Variants in FBN2 observed in about 807,000 individuals in gnomAD.
FBN2 encodes fibrillin-2.
In FBN2, 105 loss-of-function variants were observed where a neutral mutation model predicts 355.6. The ratio of observed to expected loss-of-function variants is 0.30; its 90% CI spans 0.25 to 0.35. The LOEUF (loss-of-function observed/expected upper bound fraction) is 0.35, where lower values mean the gene tolerates loss of function less well. Ranked by LOEUF, FBN2 falls within the 10% of genes least tolerant of loss-of-function variation. The pLI is 1.00. For missense variants in FBN2, 3,280 were observed against 3,758.7 expected, an observed-to-expected ratio of 0.87 and a Z score of 3.33; for synonymous variants, 1,350 against 1,301.2, an observed-to-expected ratio of 1.04 and a Z score of -0.81.
At chr5:128,423,284 A>C (rs941365866) in intron 7 of FBN2, among the ~76,000 whole-genome samples, 9 of 152,190 alleles carry the variant, frequency 5.9e-5, no homozygotes, top group Admixed American at 2.0e-4. Context: ...GACATACCTG[A>C]GACTGGGTAA....
chr5:128,328,097 T>C (rs942735521), intron 34 of FBN2: 3 of 165,968 alleles, frequency 1.8e-5, no homozygotes, highest in Non-Finnish European at 2.6e-5. Context: ...GTGAATTGAG[T>C]TTCTAATTTA....
rs777941578 is a variant in FBN2 at position 128,303,085 on chromosome 5, A to G, written c.5805T>C (p.Val1935=). The G allele has an allele frequency of 3.1e-6, 5 of 1,590,446 alleles. No homozygotes were observed. In the African/African-American group the frequency reaches 6.7e-5, roughly 21 times the overall value. ...ASQDQTMCMD[V]DECERHPCGN... is the part of the protein sequence containing the mutation. Reference sequence around the variant, plus strand: ...CACATGGATGCCGCTCGCACTCATCAACATCTATAAAGAAATATAGGCTCA... The same window carrying G: ...CACATGGATGCCGCTCGCACTCATCGACATCTATAAAGAAATATAGGCTCA... Residue 1935 remains valine, a synonymous_variant, in exon 46 of 65, where the codon GTT becomes GTC. Coordinates refer to ENST00000262464, the MANE Select transcript of FBN2 (RefSeq NM_001999.4).
At chr5:128,530,357 C>A (rs1004218188) in intron 3 of FBN2, among the ~76,000 whole-genome samples, 1 of 152,176 alleles carries the variant, frequency 6.6e-6, no homozygotes, top group African/African-American at 2.4e-5. Context: ...TGAGACTATA[C>A]ACTTAGGCAT....
rs991872001 is a variant in FBN2 at position 128,311,804 on chromosome 5, T to C, written c.4948+81A>G. 18 of 1,004,082 alleles carry C rather than the reference T, an allele frequency of 1.8e-5. No individual in the cohort carries two copies. The South Asian group carries it at 2.2e-4, about 12-fold the overall frequency. 62.2% of individuals were successfully genotyped at this position (1,004,082 alleles called of 1,614,324 possible). A position where few individuals can be genotyped will look rare whatever the true frequency, so the allele number is the denominator to read the frequency against. The stretch of plus-strand genomic sequence containing the variant: ...CTAAATTATCTTGTCGGGGCTGCTC[T>C]GCCCTAGGTTTTCTGCCAGCTTTTC... On this transcript the variant is annotated intron_variant, in intron 38 of 64. Transcript: ENST00000262464.
intron 34 of FBN2, among the ~76,000 whole-genome samples, chr5:128,327,682 A>G (rs42689): frequency 6.7e-6 from 1 of 148,838 alleles, no homozygotes; most frequent in African/African-American, 2.5e-5. Flanking sequence ...CTTGTTGTCC[A>G]GTCTGTAGTG....
At chr5:128,421,280 C>T (rs139233651) in intron 7 of FBN2, among the ~76,000 whole-genome samples, 27 of 152,098 alleles carry the variant, frequency 1.8e-4, no homozygotes, top group African/African-American at 5.3e-4. Context: ...CTACCTATGT[C>T]GATAAAGATG....
chr5:128,339,168 G>T (rs1750925127), intron 25 of FBN2, 107 bp from the exon 26 acceptor site: 1 of 1,130,768 alleles, frequency 8.8e-7, no homozygotes, highest in African/African-American at 1.5e-5. Context: ...CTGGCTAACA[G>T]TACAAGGGTA....
chr5:128,286,747 G>A lies in FBN2; in HGVS notation c.6983C>T (p.Ala2328Val). 1 of 1,614,172 alleles carries A rather than the reference G, an allele frequency of 6.2e-7. No individual in the cohort carries two copies. ...TFMCICPPGM[A>V]RRPDGEGCVD... The stretch of plus-strand genomic sequence containing the variant: ...ACAGCCTTCTCCATCGGGCCTTCGG[G>A]CCATTCCAGGAGGGCAGATGCACAT... Residue 2328 changes from alanine to valine, a missense_variant, in exon 55 of 65, where the codon GCC (alanine) becomes GTC (valine). Around this residue, in one of 6 missense-constraint regions of FBN2, gnomAD observed 2,284 missense variants for 2,749.5 expected, o/e 0.83. Transcript: ENST00000262464.
chr5:128,330,499 T>C, intron 33 of FBN2, 74 bp downstream of exon 33: 1 of 1,527,768 alleles, frequency 6.5e-7, no homozygotes, highest in East Asian at 2.3e-5. Flanking sequence ...TAATTATAAT[T>C]TTCTTCAAAT....
intron 7 of FBN2, among the ~76,000 whole-genome samples, chr5:128,414,601 T>C (rs1281345113): frequency 6.6e-6 from 1 of 152,178 alleles, no homozygotes; most frequent in Non-Finnish European, 1.5e-5. Flanking sequence ...CATTCAGGTA[T>C]TCATTTTGTG....
chr5:128,441,488 C>T (rs556329533), intron 7 of FBN2, among the ~76,000 whole-genome samples: 2 of 152,320 alleles, frequency 1.3e-5, no homozygotes, highest in African/African-American at 4.8e-5. Flanking sequence ...CTTTGTGCCT[C>T]AGTTTTTTCA....
intron 5 of FBN2, among the ~76,000 whole-genome samples, chr5:128,494,181 G>A (rs185487044): frequency 2.6e-5 from 4 of 152,254 alleles, no homozygotes; most frequent in Admixed American, 6.5e-5. Flanking sequence ...CATTGTCTCC[G>A]CCTTCAGTCC....
In FBN2 at chr5:128,347,975, G is replaced by A. The variant is rs531810172; in HGVS notation, c.2989+1372C>T. ...TATATTTTTAGTAGAGACGGGGAGG[G>A]GGGGGTTCCCCATGTTGCCCAGGCT... is the stretch of plus-strand genomic sequence containing the variant. On this transcript the variant is annotated intron_variant, in intron 23 of 64. Coordinates refer to ENST00000262464, the MANE Select transcript of FBN2 (RefSeq NM_001999.4). 7.9e-5 allele frequency among the ~76,000 whole-genome samples: 12 copies of A among 151,874 alleles called. 1 individual carries two copies. In the South Asian group the frequency reaches 2.5e-3, roughly 32 times the overall value.
At chr5:128,456,023 A>AAAAAAAAAAAAAAAGC (rs1554070903) in intron 6 of FBN2, among the ~76,000 whole-genome samples, 1 of 145,782 alleles carries the variant, frequency 6.9e-6, no homozygotes, top group Admixed American at 6.9e-5. Flanking sequence ...AAAAAAAAAA[A>AAAAAAAAAAAAAAAGC]GCAACTGCTG....
At chr5:128,321,965 A>G (rs1164832045) in intron 34 of FBN2, among the ~76,000 whole-genome samples, 1 of 152,052 alleles carries the variant, frequency 6.6e-6, no homozygotes, top group African/African-American at 2.4e-5. Flanking sequence ...TTGTTTCCTG[A>G]CTTTTTAATG....
At chr5:128,407,957 T>C (rs933508343) in intron 8 of FBN2, among the ~76,000 whole-genome samples, 2 of 152,224 alleles carry the variant, frequency 1.3e-5, no homozygotes, top group African/African-American at 4.8e-5. Flanking sequence ...ATTTTCCTAA[T>C]TCCTGCACTA....
chr5:128,433,639 T>C (rs1028059280), intron 7 of FBN2, among the ~76,000 whole-genome samples: 3 of 152,222 alleles, frequency 2.0e-5, no homozygotes, highest in Non-Finnish European at 4.4e-5. Flanking sequence ...TAGCATCAGC[T>C]ATATGGCTAG....
rs575873653 is a variant in FBN2 at position 128,361,791 on chromosome 5, G to A, written c.2486C>T (p.Thr829Met). Reference protein sequence around the residue: ...LLCDNGLCRNTPGSYSCTCPP... With the variant: ...LLCDNGLCRNMPGSYSCTCPP... ...GCACGTACAGCTGTAACTTCCTGGC[G>A]TGTTTCGGCACAATCCGTTATCACA... Residue 829 changes from threonine to methionine, a missense_variant, in exon 19 of 65, where the codon ACG becomes ATG. Physicochemically the swap from Thr to Met is moderately conservative, Grantham distance 81 (BLOSUM62 -1). Coordinates refer to ENST00000262464, the MANE Select transcript of FBN2 (RefSeq NM_001999.4). 52 of 1,614,030 alleles carry A rather than the reference G, an allele frequency of 3.2e-5. No homozygotes were observed. The highest frequency in any genetic ancestry group is 6.7e-5 in the African/African-American group (5 of 75,022).
intron 8 of FBN2, among the ~76,000 whole-genome samples, chr5:128,397,465 A>G (rs1484532917): frequency 6.6e-6 from 1 of 152,202 alleles, no homozygotes; most frequent in African/African-American, 2.4e-5. Flanking sequence ...ACAAAACCAT[A>G]GCCTTGAGTC....
Sources: gnomAD v4.1 joint callset for allele counts (sites outside exome capture counted in the v4.1 genomes callset) on GRCh38, gnomAD v4.1.1 for gene constraint, gnomAD v4.1.1 regional missense constraint, MANE v1.5 for transcripts, NCBI Gene and HGNC (gene_info 2026-07-23, HGNC 2026-07-21) for gene names.